OXCT1: variants seen among roughly 807,000 people sequenced by gnomAD.
The protein encoded by OXCT1 is 3-oxoacid CoA-transferase 1.
In OXCT1, 27 loss-of-function variants were observed where a neutral mutation model predicts 69.6. The ratio of observed to expected loss-of-function variants is 0.39; its 90% CI spans 0.29 to 0.54. The LOEUF (loss-of-function observed/expected upper bound fraction) is 0.54. Ranked by LOEUF, OXCT1 falls within the 20% of genes least tolerant of loss-of-function variation. The pLI is 0.72. For synonymous variants in OXCT1, 202 were observed against 217.8 expected, an observed-to-expected ratio of 0.93 and a Z score of 0.64; for missense variants, 437 against 650.2, an observed-to-expected ratio of 0.67 and a Z score of 3.57.
At chr5:41,736,445 AT>A (rs1305981099) in intron 16 of OXCT1, among the ~76,000 whole-genome samples, 7 of 152,022 alleles carry the variant, frequency 4.6e-5, no homozygotes, top group African/African-American at 1.5e-4. Flanking sequence ...TAAAAATCAT[AT>A]TTTTTCCACT....
At chr5:41,753,825 G>T (rs1393301919) in intron 14 of OXCT1, among the ~76,000 whole-genome samples, 1 of 152,098 alleles carries the variant, frequency 6.6e-6, no homozygotes, top group Admixed American at 6.6e-5. Flanking sequence ...CCAGAGGGGA[G>T]CTATAAAATG....
At position 41,754,501 on chromosome 5, in the gene OXCT1, A is replaced by T. The variant is rs555712093; in HGVS notation, c.1339-4894T>A. Among the ~76,000 whole-genome samples, 8 of 152,232 alleles carry T rather than the reference A, an allele frequency of 5.3e-5. No homozygotes were observed. In the East Asian group the frequency reaches 1.4e-3, roughly 26 times the overall value. ...TGATTATTTCACACCATATGCCTATATCAAAACATCTCATGTACCCCATAA... is the reference window on the plus strand; with the variant it reads ...TGATTATTTCACACCATATGCCTATTTCAAAACATCTCATGTACCCCATAA... On this transcript the variant is annotated intron_variant, in intron 14 of 16. Coordinates refer to ENST00000196371, the MANE Select transcript of OXCT1 (RefSeq NM_000436.4).
intron 7 of OXCT1, among the ~76,000 whole-genome samples, chr5:41,820,922 A>G (rs1747517164): frequency 1.3e-5 from 2 of 152,204 alleles, no homozygotes; most frequent in Non-Finnish European, 2.9e-5. Flanking sequence ...ACCACCATCA[A>G]GATCCCACAG....
rs796404173 is a variant in OXCT1, at chr5:41,782,677, T to A, written c.1248+11326A>T. Reference sequence around the variant, plus strand: ...TTTCAGATGGATAGATTGCAAATATTTTCTCACATTCTGTAGGTTTTCTGT... The same window carrying A: ...TTTCAGATGGATAGATTGCAAATATATTCTCACATTCTGTAGGTTTTCTGT... On this transcript the variant is annotated intron_variant, in intron 13 of 16. Coordinates refer to ENST00000196371, the MANE Select transcript of OXCT1 (RefSeq NM_000436.4). Among the ~76,000 whole-genome samples the A allele has an allele frequency of 9.8e-5, 15 of 152,348 alleles. 1 individual carries two copies. The South Asian group carries it at 2.9e-3, about 29-fold the overall frequency.
intron 16 of OXCT1, among the ~76,000 whole-genome samples, chr5:41,733,667 T>C (rs1426161060): frequency 6.6e-6 from 1 of 152,244 alleles, no homozygotes; most frequent in Non-Finnish European, 1.5e-5. Flanking sequence ...TTCCTTGTCA[T>C]GTCAGCCCTA....
At chr5:41,861,187 T>G (rs1391183935) in intron 3 of OXCT1, 127 bp downstream of exon 3, 2 of 735,910 alleles carry the variant, frequency 2.7e-6, no homozygotes, top group African/African-American at 3.5e-5. Context: ...TGTTAAACAC[T>G]AGATTTTGAT....
At chr5:41,741,347 TAGAGA>T (rs774969543) in intron 15 of OXCT1, among the ~76,000 whole-genome samples, 16 of 152,130 alleles carry the variant, frequency 1.1e-4, no homozygotes, top group Non-Finnish European at 1.9e-4. Flanking sequence ...CAGCAACACG[TAGAGA>T]AAAGAACCCT....
intron 5 of OXCT1, among the ~76,000 whole-genome samples, chr5:41,847,929 G>A (rs373853809): frequency 0.18 from 26,809 of 149,308 alleles, 2,549 homozygotes; most frequent in Middle Eastern, 0.28. Context: ...GTTCTGGCCA[G>A]GGCAATTAGG....
At chr5:41,834,487 C>CAAA (rs1209653207) in intron 7 of OXCT1, among the ~76,000 whole-genome samples, 49 of 75,070 alleles carry the variant, frequency 6.5e-4, no homozygotes, top group Admixed American at 2.2e-3. Context: ...TGGAAACCCA[C>CAAA]AAAAAAAAAA....
At chr5:41,798,386 A>C (rs1746276712) in intron 11 of OXCT1, among the ~76,000 whole-genome samples, 1 of 152,098 alleles carries the variant, frequency 6.6e-6, no homozygotes, top group African/African-American at 2.4e-5. Flanking sequence ...AGCACTATTG[A>C]GCATTGGGGC....
rs1010603749 is a variant in OXCT1, at chr5:41,870,136, G to A, written c.78+145C>T. The A allele has an allele frequency of 6.8e-6, 5 of 735,912 alleles. No homozygotes were observed. The highest frequency in any genetic ancestry group is 9.7e-6 in the Non-Finnish European group (4 of 411,416). The allele number at this position is 735,912 out of a possible 1,614,324, so 45.6% of individuals were successfully genotyped here. Reference sequence around the variant, plus strand: ...GGCGAGGCCAGGAACGCGTCGCCGCGTGTCCGTGACCAGGGCACCGCGCCA... The same window carrying A: ...GGCGAGGCCAGGAACGCGTCGCCGCATGTCCGTGACCAGGGCACCGCGCCA... On this transcript the variant is annotated intron_variant, in intron 1 of 16. Coordinates refer to ENST00000196371, the MANE Select transcript of OXCT1 (RefSeq NM_000436.4). This position sits in a 1 kb window ranked among gnomAD's most constrained non-coding sequence, Gnocchi z 4.2.
chr5:41,785,630 T>C (rs1293391640), intron 13 of OXCT1, among the ~76,000 whole-genome samples: 2 of 152,188 alleles, frequency 1.3e-5, no homozygotes, highest in Non-Finnish European at 2.9e-5. Flanking sequence ...GATGAGATCT[T>C]GCTGTCTCAC....
intron 16 of OXCT1, among the ~76,000 whole-genome samples, chr5:41,732,326 T>C (rs1425810475): frequency 6.6e-6 from 1 of 152,202 alleles, no homozygotes; most frequent in Non-Finnish European, 1.5e-5. Context: ...TCCAAGTTAT[T>C]AAAATATGGA....
chr5:41,754,095 C>G (rs1047475234), intron 14 of OXCT1, among the ~76,000 whole-genome samples: 5 of 152,060 alleles, frequency 3.3e-5, no homozygotes, highest in African/African-American at 1.2e-4. Context: ...ACCTCTTCCA[C>G]CTGCTCCCTT....
intron 13 of OXCT1, among the ~76,000 whole-genome samples, chr5:41,776,877 A>G (rs972186095): frequency 1.3e-5 from 2 of 152,214 alleles, no homozygotes; most frequent in Admixed American, 1.3e-4. Context: ...AAAAAAAATC[A>G]TACACATCAT....
chr5:41,778,495 G>A (rs1185105371), intron 13 of OXCT1, among the ~76,000 whole-genome samples: 2 of 152,192 alleles, frequency 1.3e-5, no homozygotes, highest in African/African-American at 4.8e-5. Context: ...ATCCCATATT[G>A]CTTTCATAAT....
intron 13 of OXCT1, among the ~76,000 whole-genome samples, chr5:41,770,501 CCCA>C (rs1467198484): frequency 3.3e-5 from 5 of 152,070 alleles, no homozygotes; most frequent in African/African-American, 1.2e-4. Context: ...TTATAAGACA[CCCA>C]AGGAAAAGTC....
At chr5:41,828,666 T>C (rs987461801) in intron 7 of OXCT1, among the ~76,000 whole-genome samples, 3 of 152,206 alleles carry the variant, frequency 2.0e-5, no homozygotes, top group Non-Finnish European at 2.9e-5. Flanking sequence ...AAAATTGCAG[T>C]CATTTCTCGA....
At chr5:41,745,856 G>C (rs1384310836) in intron 15 of OXCT1, among the ~76,000 whole-genome samples, 2 of 152,090 alleles carry the variant, frequency 1.3e-5, no homozygotes, top group African/African-American at 4.8e-5. Flanking sequence ...CCAGGAAGAA[G>C]TTGAATCTCT....
Sources: allele counts gnomAD v4.1 joint callset (sites outside exome capture counted in the v4.1 genomes callset), GRCh38; gene constraint gnomAD v4.1.1; non-coding constraint Gnocchi (gnomAD v3.1); transcripts MANE v1.5; gene names NCBI Gene and HGNC (gene_info 2026-07-23, HGNC 2026-07-21).